Variants in PTPRM observed in about 807,000 individuals in gnomAD.
PTPRM encodes protein tyrosine phosphatase receptor type M.
In PTPRM, 47 loss-of-function variants were observed where a neutral mutation model predicts 186.7. The observed-to-expected ratio is 0.25, with a 90% CI of 0.20 to 0.32. The LOEUF (loss-of-function observed/expected upper bound fraction) is 0.32. Among genes scored for constraint, PTPRM ranks in the 10% least tolerant of loss-of-function variants. The pLI, the probability that PTPRM is intolerant of heterozygous loss-of-function variation, is 1.00. For missense variants in PTPRM, 1,494 were observed against 1,865.0 expected (o/e 0.80, Z 3.66); for synonymous variants, 668 against 674.9 (o/e 0.99, Z 0.16).
chr18:7,980,541 G>T (rs1046910206), intron 7 of PTPRM, among the ~76,000 whole-genome samples: 1 of 151,768 alleles, frequency 6.6e-6, no homozygotes, highest in Non-Finnish European at 1.5e-5. Flanking sequence ...ATGCCACCAC[G>T]CCTGGCTAAT....
chr18:7,870,611 C>G (rs1366064016), intron 2 of PTPRM, among the ~76,000 whole-genome samples: 1 of 152,072 alleles, frequency 6.6e-6, no homozygotes, highest in Non-Finnish European at 1.5e-5. Flanking sequence ...TGATGGTACC[C>G]CATCCCCTCC....
intron 1 of PTPRM, among the ~76,000 whole-genome samples, chr18:7,591,450 T>C (rs1318684353): frequency 1.3e-5 from 2 of 152,092 alleles, no homozygotes; most frequent in African/African-American, 4.8e-5. Context: ...CTAAGTCCCC[T>C]ACTCCCCAAA....
At chr18:7,829,014 C>G (rs1314927282) in intron 2 of PTPRM, among the ~76,000 whole-genome samples, 1 of 152,090 alleles carries the variant, frequency 6.6e-6, no homozygotes, top group Admixed American at 6.6e-5. Context: ...GCTGTTAATT[C>G]CCACAATTTC....
intron 14 of PTPRM, among the ~76,000 whole-genome samples, chr18:8,193,019 A>G (rs1212299846): frequency 6.6e-6 from 1 of 152,200 alleles, no homozygotes; most frequent in African/African-American, 2.4e-5. Flanking sequence ...GGATATATTG[A>G]ATGTAGGCTT....
rs1235168927 is a variant in PTPRM at position 8,113,701 on chromosome 18, C to G, written c.2072C>G (p.Pro691Arg). 1 of 1,613,708 alleles carries G rather than the reference C, an allele frequency of 6.2e-7. No individual in the cohort carries two copies. The highest frequency in any genetic ancestry group is 1.1e-5 in the South Asian group (1 of 91,064). Residue 691 changes from proline to arginine, a missense_variant, in exon 12 of 33, where the codon CCC becomes CGC. Coordinates refer to ENST00000580170, the MANE Select transcript of PTPRM (RefSeq NM_001105244.2). Reference protein sequence around the residue: ...NKTYNGYWNTPLLPYKSYRIY... With the variant: ...NKTYNGYWNTRLLPYKSYRIY... ...ACATATAATGGATACTGGAACACTC[C>G]CCTTCTCCCCTATAAAAGCTACAGA...
intron 1 of PTPRM, among the ~76,000 whole-genome samples, chr18:7,613,441 T>G (rs908438821): frequency 7.9e-5 from 12 of 152,086 alleles, no homozygotes; most frequent in African/African-American, 2.7e-4. Flanking sequence ...TTGGGAGGCC[T>G]AGGCAGATGG....
At chr18:7,864,662 A>G (rs1336983016) in intron 2 of PTPRM, among the ~76,000 whole-genome samples, 1 of 152,082 alleles carries the variant, frequency 6.6e-6, no homozygotes, top group African/African-American at 2.4e-5. Flanking sequence ...TTTGCTTAGG[A>G]TTGGCTTGGA....
intron 2 of PTPRM, among the ~76,000 whole-genome samples, chr18:7,785,956 A>T (rs1009051601): frequency 6.6e-6 from 1 of 152,152 alleles, no homozygotes; most frequent in African/African-American, 2.4e-5. Flanking sequence ...ATGCATAAGG[A>T]ATTATTACAT....
intron 1 of PTPRM, among the ~76,000 whole-genome samples, chr18:7,694,013 C>G (rs143302540): frequency 1.3e-5 from 2 of 152,244 alleles, no homozygotes; most frequent in South Asian, 2.1e-4. Context: ...CTCAGTAGGC[C>G]GTGGGGTGTC....
At chr18:8,289,131 C>T (rs780982559) in intron 19 of PTPRM, among the ~76,000 whole-genome samples, 8 of 152,038 alleles carry the variant, frequency 5.3e-5, no homozygotes, top group African/African-American at 1.4e-4. Flanking sequence ...TTCTGTTTAC[C>T]AGCTGTGTGA....
chr18:7,568,377 G>C lies in PTPRM; in HGVS notation c.73+486G>C, dbSNP rs1234887811. Reference sequence around the variant, plus strand: ...CAGCGATCGCCGGGAACTGGCGGCCGCTCCGGCGGCGGCGATCTCCCGGTG... The same window carrying C: ...CAGCGATCGCCGGGAACTGGCGGCCCCTCCGGCGGCGGCGATCTCCCGGTG... On this transcript the variant is annotated intron_variant, in intron 1 of 32. Transcript: ENST00000580170. The surrounding 1 kb of genome is among the most constrained non-coding windows in gnomAD (Gnocchi z 5.1). Among the ~76,000 whole-genome samples the C allele has an allele frequency of 6.6e-6, 1 of 151,756 alleles. No homozygotes were observed. Among genetic ancestry groups the C allele is most frequent in the East Asian group, 1.9e-4 (1 of 5,130 alleles).
At chr18:7,987,803 C>T (rs948685449) in intron 7 of PTPRM, among the ~76,000 whole-genome samples, 13 of 152,078 alleles carry the variant, frequency 8.5e-5, no homozygotes, top group Admixed American at 7.9e-4. Context: ...GTTCACAGTC[C>T]TCATGGATTT....
At chr18:7,845,986 G>A (rs1599027990) in intron 2 of PTPRM, among the ~76,000 whole-genome samples, 1 of 152,176 alleles carries the variant, frequency 6.6e-6, no homozygotes, top group Non-Finnish European at 1.5e-5. Context: ...AAGCTTGGCT[G>A]TTCTTTCAGA....
chr18:8,341,883 T>G (rs1175632772), intron 22 of PTPRM, among the ~76,000 whole-genome samples: 1 of 152,230 alleles, frequency 6.6e-6, no homozygotes, highest in Non-Finnish European at 1.5e-5. Flanking sequence ...CACTGAAATC[T>G]TCAGCCTCTA....
intron 1 of PTPRM, among the ~76,000 whole-genome samples, chr18:7,611,023 T>TAGGC (rs2037659112): frequency 6.6e-6 from 1 of 152,114 alleles, no homozygotes. Context: ...TGACCCTGTG[T>TAGGC]AGGCCTAGGC....
intron 26 of PTPRM, chr18:8,377,481 A>G (rs1449320125): frequency 6.6e-6 from 1 of 152,296 alleles, no homozygotes; most frequent in South Asian, 2.1e-4. Flanking sequence ...TGCCACTCGC[A>G]TTTCTCACTT....
intron 1 of PTPRM, among the ~76,000 whole-genome samples, chr18:7,773,128 A>G (rs1291414379): frequency 6.6e-6 from 1 of 152,084 alleles, no homozygotes; most frequent in East Asian, 1.9e-4. Context: ...TTTTTTAAGT[A>G]GTTTCATTTC....
intron 14 of PTPRM, among the ~76,000 whole-genome samples, chr18:8,230,813 G>T (rs2094277457): frequency 6.6e-6 from 1 of 152,142 alleles, no homozygotes; most frequent in African/African-American, 2.4e-5. Context: ...AACAGGATCT[G>T]CTAATTCTTA....
At position 8,384,668 on chromosome 18, in the gene PTPRM, C is replaced by T; in HGVS notation, c.4026C>T (p.Arg1342=). The change falls in exon 30 of 33, where the codon CGC becomes CGT. Residue 1342 remains arginine, a synonymous_variant. Coordinates refer to ENST00000580170, the MANE Select transcript of PTPRM (RefSeq NM_001105244.2). ...AGGACATCATCAGCAGGATATTCCG[C>T]ATTTACAATGCCGCCAGAGTAAGAG... ...LEEDIISRIF[R]IYNAARPQDG... The T allele has an allele frequency of 6.2e-7, 1 of 1,614,158 alleles. No individual in the cohort carries two copies. Among genetic ancestry groups the T allele is most frequent in the East Asian group, 2.2e-5 (1 of 44,884 alleles).
Sources: gnomAD v4.1 joint callset for allele counts (sites outside exome capture counted in the v4.1 genomes callset) on GRCh38, gnomAD v4.1.1 for gene constraint, Gnocchi (gnomAD v3.1) non-coding constraint, MANE v1.5 for transcripts, NCBI Gene and HGNC (gene_info 2026-07-23, HGNC 2026-07-21) for gene names.